The following ADAM10 variants were observed in gnomAD, a reference collection of about 807,000 sequenced individuals.
The protein encoded by ADAM10 is disintegrin and metalloproteinase domain-containing protein 10.
A neutral mutation model predicts 90.1 loss-of-function variants in ADAM10; 17 were observed. That is an observed-to-expected ratio of 0.19 (90% CI 0.13 to 0.28). ADAM10 has a LOEUF of 0.28. ADAM10 is among the 10% of genes least tolerant of loss of function. The pLI is 1.00. For synonymous variants in ADAM10, 310 were observed against 298.6 expected (o/e 1.04, Z -0.40); for missense variants, 610 against 914.3 (o/e 0.67, Z 4.29).
intron 2 of ADAM10, among the ~76,000 whole-genome samples, chr15:58,703,564 A>T (rs1898190918): frequency 6.6e-6 from 1 of 152,210 alleles, no homozygotes; most frequent in Admixed American, 6.5e-5. Context: ...TGAACCCTGA[A>T]AACATCATGA....
intron 10 of ADAM10, among the ~76,000 whole-genome samples, chr15:58,623,940 C>G (rs1185532364): frequency 1.3e-5 from 2 of 150,678 alleles, no homozygotes; most frequent in Non-Finnish European, 2.9e-5. Context: ...TGTAATGAAC[C>G]TACACATTCT....
chr15:58,749,557 C>A lies in ADAM10; in HGVS notation c.-23G>T. 2.6e-6 allele frequency: 4 copies of A among 1,550,214 alleles called. No homozygotes were observed. The highest frequency in any genetic ancestry group is 3.5e-6 in the Non-Finnish European group (4 of 1,146,346). On this transcript the variant is annotated 5_prime_UTR_variant, in exon 1 of 16. Transcript: ENST00000260408. ...CATCTTCCGCTGCCGCTGCCGCCGC[C>A]GCCGCCTCCTCACGGGTTAACAGCA...
intron 4 of ADAM10, among the ~76,000 whole-genome samples, chr15:58,668,326 G>A (rs1897122629): frequency 6.6e-6 from 1 of 152,162 alleles, no homozygotes; most frequent in African/African-American, 2.4e-5. Flanking sequence ...CACTTGGAAT[G>A]AAAACTTGTA....
intron 2 of ADAM10, among the ~76,000 whole-genome samples, chr15:58,711,354 T>C (rs1488301915): frequency 1.3e-5 from 2 of 152,212 alleles, no homozygotes; most frequent in Admixed American, 6.5e-5. Flanking sequence ...AGTATACTAA[T>C]ATATTTTGTA....
At chr15:58,640,511 A>T (rs1429519985) in intron 8 of ADAM10, among the ~76,000 whole-genome samples, 1 of 152,072 alleles carries the variant, frequency 6.6e-6, no homozygotes, top group African/African-American at 2.4e-5. Flanking sequence ...CAGAATTACC[A>T]CTTTTTCTCA....
intron 2 of ADAM10, among the ~76,000 whole-genome samples, chr15:58,693,788 G>A (rs1897895798): frequency 6.9e-6 from 1 of 143,914 alleles, no homozygotes; most frequent in South Asian, 2.2e-4. Context: ...GCAAGCCACA[G>A]TCTGGGAGAA....
chr15:58,719,935 CCAT>C (rs1162495207), intron 1 of ADAM10, among the ~76,000 whole-genome samples: 40 of 152,218 alleles, frequency 2.6e-4, no homozygotes, highest in African/African-American at 9.6e-4. Context: ...AATAAATTAT[CCAT>C]CATCATCATC....
intron 1 of ADAM10, among the ~76,000 whole-genome samples, chr15:58,717,958 C>G (rs941830288): frequency 1.3e-5 from 2 of 151,990 alleles, no homozygotes; most frequent in Non-Finnish European, 2.9e-5. Context: ...TTTAGATGTC[C>G]TTTATCAAGC....
chr15:58,715,470 G>A (rs375282667), intron 2 of ADAM10, among the ~76,000 whole-genome samples: 1 of 151,122 alleles, frequency 6.6e-6, no homozygotes, highest in East Asian at 1.9e-4. Flanking sequence ...CACATTACAT[G>A]AGATTTCCTG....
At chr15:58,692,617 T>C (rs1443481024) in intron 2 of ADAM10, 1 of 558,878 alleles carries the variant, frequency 1.8e-6, no homozygotes, top group Non-Finnish European at 3.6e-6. Context: ...GACCCACCTC[T>C]CTTCTAAGTA....
At chr15:58,636,029 C>T (rs748192023) in intron 8 of ADAM10, among the ~76,000 whole-genome samples, 37 of 152,110 alleles carry the variant, frequency 2.4e-4, no homozygotes, top group Non-Finnish European at 3.4e-4. Context: ...GTAATCCCAA[C>T]ACTTTGGGTG....
At chr15:58,695,923 C>G (rs1295328172) in intron 2 of ADAM10, among the ~76,000 whole-genome samples, 1 of 152,074 alleles carries the variant, frequency 6.6e-6, no homozygotes, top group African/African-American at 2.4e-5. Flanking sequence ...TCAAGACCAG[C>G]CTGACCAACA....
chr15:58,729,742 T>A (rs1218795341), intron 1 of ADAM10, among the ~76,000 whole-genome samples: 1 of 152,046 alleles, frequency 6.6e-6, no homozygotes, highest in Non-Finnish European at 1.5e-5. Context: ...GGCAGGCGGA[T>A]CACTTGAGGT....
At chr15:58,720,800 A>G (rs1479228505) in intron 1 of ADAM10, among the ~76,000 whole-genome samples, 3 of 152,190 alleles carry the variant, frequency 2.0e-5, no homozygotes, top group Admixed American at 1.3e-4. Context: ...AGTATAATTG[A>G]GTTTAGCAAA....
intron 5 of ADAM10, among the ~76,000 whole-genome samples, chr15:58,656,148 C>T (rs1260122550): frequency 6.6e-6 from 1 of 152,082 alleles, no homozygotes; most frequent in Non-Finnish European, 1.5e-5. Context: ...TTCTGGTTTC[C>T]GCTGGGATGG....
At chr15:58,650,592 C>T (rs1896661108) in intron 5 of ADAM10, among the ~76,000 whole-genome samples, 1 of 152,114 alleles carries the variant, frequency 6.6e-6, no homozygotes, top group African/African-American at 2.4e-5. Flanking sequence ...TCTCAGCCAC[C>T]TCCTCAGAAA....
intron 14 of ADAM10, among the ~76,000 whole-genome samples, chr15:58,602,214 A>C (rs74016946): frequency 0.05 from 7,648 of 152,044 alleles, 658 homozygotes; most frequent in African/African-American, 0.17. Flanking sequence ...TTCTTTGAGC[A>C]CTTTCTTACT....
At chr15:58,643,092 T>C (rs1896458862) in intron 7 of ADAM10, among the ~76,000 whole-genome samples, 1 of 152,100 alleles carries the variant, frequency 6.6e-6, no homozygotes, top group Admixed American at 6.6e-5. Flanking sequence ...GGTTGTTTAT[T>C]TAGCATATAA....
chr15:58,589,740 G>A lies in ADAM10; in HGVS notation c.*7807C>T, dbSNP rs1894786939. The A allele has an allele frequency of 1.3e-5, 2 of 152,162 alleles. No individual in the cohort carries two copies. The highest frequency in any genetic ancestry group is 2.9e-5 in the Non-Finnish European group (2 of 68,058). The allele number at this position is 152,162 out of a possible 1,614,324, so 9.4% of individuals were successfully genotyped here. A position where few individuals can be genotyped will look rare whatever the true frequency, so the allele number is the denominator to read the frequency against. ...AGAGAAAGATGTATAAAATTCCAGG[G>A]CACAGCAGGTCACATGGACACCTCA... On this transcript the variant is annotated 3_prime_UTR_variant, in exon 16 of 16. Transcript: ENST00000260408.
Sources: allele counts gnomAD v4.1 joint callset (sites outside exome capture counted in the v4.1 genomes callset), GRCh38; gene constraint gnomAD v4.1.1; transcripts MANE v1.5; gene names NCBI Gene and HGNC (gene_info 2026-07-23, HGNC 2026-07-21).